CCSER1: variants seen among roughly 807,000 people sequenced by gnomAD.
CCSER1 encodes coiled-coil serine rich protein 1, also known as serine-rich coiled-coil domain-containing protein 1.
In CCSER1, 41 loss-of-function variants were observed where a neutral mutation model predicts 82.0. The ratio of observed to expected loss-of-function variants is 0.50; its 90% CI spans 0.39 to 0.65. CCSER1 has a LOEUF of 0.65. Among genes scored for constraint, CCSER1 ranks in the 30% least tolerant of loss-of-function variants. The pLI is 0.00. For missense variants in CCSER1, 1,119 were observed against 1,064.2 expected, an observed-to-expected ratio of 1.05 and a Z score of -0.72; for synonymous variants, 414 against 383.9, an observed-to-expected ratio of 1.08 and a Z score of -0.92.
chr4:90,736,104 A>G (rs967147421), intron 7 of CCSER1, among the ~76,000 whole-genome samples: 1 of 152,098 alleles, frequency 6.6e-6, no homozygotes. Flanking sequence ...AAATTGTAAG[A>G]CTTGTTCTGT....
chr4:91,174,746 T>C (rs1407045563), intron 10 of CCSER1, among the ~76,000 whole-genome samples: 2 of 152,160 alleles, frequency 1.3e-5, no homozygotes, highest in African/African-American at 4.8e-5. Flanking sequence ...ATGATGATTC[T>C]TCAAGTATGT....
At chr4:91,002,765 C>T (rs922137069) in intron 9 of CCSER1, among the ~76,000 whole-genome samples, 3 of 152,022 alleles carry the variant, frequency 2.0e-5, no homozygotes, top group African/African-American at 7.2e-5. Flanking sequence ...GGGATTTCTT[C>T]TTGGTTTGAA....
At chr4:91,254,194 C>A (rs2149153113) in intron 10 of CCSER1, among the ~76,000 whole-genome samples, 1 of 152,246 alleles carries the variant, frequency 6.6e-6, no homozygotes, top group South Asian at 2.1e-4. Context: ...AGAATCAACA[C>A]AATAAACCAA....
Position 91,167,518 on chromosome 4 carries a change from T to G in CCSER1, c.2217+81524T>G, listed in dbSNP as rs552337184. Among the ~76,000 whole-genome samples the G allele has an allele frequency of 2.6e-5, 4 of 152,350 alleles. No homozygotes were observed. In the South Asian group the frequency reaches 8.3e-4, roughly 32 times the overall value. Reference sequence around the variant, plus strand: ...AATACTTAAACTTAAGTGCAATATCTTATTTTTGTGTTATTAAACACAAAG... The same window carrying G: ...AATACTTAAACTTAAGTGCAATATCGTATTTTTGTGTTATTAAACACAAAG... On this transcript the variant is annotated intron_variant, in intron 10 of 10. Coordinates refer to ENST00000509176, the MANE Select transcript of CCSER1 (RefSeq NM_001145065.2).
At chr4:90,340,302 A>G (rs933153523) in intron 3 of CCSER1, among the ~76,000 whole-genome samples, 8 of 152,170 alleles carry the variant, frequency 5.3e-5, no homozygotes, top group African/African-American at 1.2e-4. Context: ...TATCTATTCT[A>G]AAGCGTTGAT....
At chr4:90,987,668 A>T (rs1341928460) in intron 9 of CCSER1, among the ~76,000 whole-genome samples, 2 of 151,750 alleles carry the variant, frequency 1.3e-5, no homozygotes, top group East Asian at 1.9e-4. Context: ...GTATAAAATT[A>T]CCATGATTTT....
rs1259415236 is a variant in CCSER1, at chr4:91,598,772, A to C, written c.2418A>C (p.Ser806=). The change falls in exon 11 of 11, where the codon TCA becomes TCC. Residue 806 remains serine (S), a synonymous_variant. Transcript: ENST00000509176. ...AACTAGCAGAAGTTATCAAACATTC[A>C]AGAGGAACTTATGAAACCCTCACTT... ...DKELAEVIKH[S]RGTYETLTSD... 1.2e-5 allele frequency: 19 copies of C among 1,551,542 alleles called. No homozygotes were observed. Among genetic ancestry groups the C allele is most frequent in the Non-Finnish European group, 1.6e-5 (18 of 1,146,950 alleles).
chr4:90,410,593 C>T (rs1313909653), intron 4 of CCSER1, among the ~76,000 whole-genome samples: 2 of 151,986 alleles, frequency 1.3e-5, no homozygotes, highest in East Asian at 3.9e-4. Context: ...AGAACAAAGA[C>T]ACAACATACG....
intron 8 of CCSER1, among the ~76,000 whole-genome samples, chr4:90,876,709 C>G (rs969573588): frequency 3.3e-5 from 5 of 152,068 alleles, no homozygotes; most frequent in Admixed American, 1.3e-4. Context: ...CACACTCTAG[C>G]CATTGCCTGT....
intron 9 of CCSER1, among the ~76,000 whole-genome samples, chr4:91,062,411 C>T (rs1427482856): frequency 2.6e-5 from 4 of 152,030 alleles, no homozygotes; most frequent in Non-Finnish European, 4.4e-5. Flanking sequence ...TTCACTCTGT[C>T]CCTGAAGGAT....
intron 5 of CCSER1, among the ~76,000 whole-genome samples, chr4:90,614,703 C>T (rs758710636): frequency 6.6e-6 from 1 of 152,102 alleles, no homozygotes; most frequent in East Asian, 1.9e-4. Flanking sequence ...TGGAAACTAG[C>T]AGGGGTTGGT....
intron 1 of CCSER1, among the ~76,000 whole-genome samples, chr4:90,136,253 T>C (rs1379573434): frequency 6.6e-6 from 1 of 152,084 alleles, no homozygotes; most frequent in Non-Finnish European, 1.5e-5. Flanking sequence ...CTTGGGAGGC[T>C]GAGGTGGGAG....
At chr4:90,965,192 C>G (rs1734443275) in intron 9 of CCSER1, among the ~76,000 whole-genome samples, 1 of 152,100 alleles carries the variant, frequency 6.6e-6, no homozygotes, top group Non-Finnish European at 1.5e-5. Flanking sequence ...ATTTCAGTTG[C>G]TTGAGGCAGT....
chr4:91,537,158 C>T (rs1253339824), intron 10 of CCSER1, among the ~76,000 whole-genome samples: 1 of 152,090 alleles, frequency 6.6e-6, no homozygotes, highest in South Asian at 2.1e-4. Context: ...TTTACAGCAT[C>T]CCTGTGAAAG....
At chr4:90,576,640 C>T (rs1475863845) in intron 5 of CCSER1, among the ~76,000 whole-genome samples, 1 of 151,994 alleles carries the variant, frequency 6.6e-6, no homozygotes, top group African/African-American at 2.4e-5. Context: ...TTCAGTTTAC[C>T]TCTTTCGCTT....
intron 10 of CCSER1, among the ~76,000 whole-genome samples, chr4:91,445,550 A>T (rs1755503965): frequency 6.6e-6 from 1 of 152,090 alleles, no homozygotes; most frequent in Admixed American, 6.6e-5. Flanking sequence ...ATTTTATGAA[A>T]ATGTAGAGAC....
At chr4:91,454,935 C>A (rs569737005) in intron 10 of CCSER1, among the ~76,000 whole-genome samples, 29 of 152,088 alleles carry the variant, frequency 1.9e-4, no homozygotes, top group South Asian at 1.0e-3. Context: ...GCAGTTTCAA[C>A]TGGAATAGTA....
chr4:90,374,701 C>T (rs1377389127), intron 3 of CCSER1, among the ~76,000 whole-genome samples: 1 of 152,152 alleles, frequency 6.6e-6, no homozygotes, highest in Non-Finnish European at 1.5e-5. Flanking sequence ...TCTCAGGGCA[C>T]TTAGTAGTAC....
At chr4:91,286,003 G>A (rs1009012931) in intron 10 of CCSER1, among the ~76,000 whole-genome samples, 42 of 150,608 alleles carry the variant, frequency 2.8e-4, no homozygotes, top group African/African-American at 9.5e-4. Flanking sequence ...TACATCACAA[G>A]GTGTGATGAA....
Sources: allele counts gnomAD v4.1 joint callset (sites outside exome capture counted in the v4.1 genomes callset), GRCh38; gene constraint gnomAD v4.1.1; transcripts MANE v1.5; gene names NCBI Gene and HGNC (gene_info 2026-07-23, HGNC 2026-07-21).